CA10: variants seen among roughly 807,000 people sequenced by gnomAD.
The protein encoded by CA10 is carbonic anhydrase-related protein 10.
Under a neutral mutation model 44.2 loss-of-function variants are expected in CA10, and 14 were observed. The observed-to-expected ratio is 0.32, with a 90% CI of 0.21 to 0.50. The LOEUF (loss-of-function observed/expected upper bound fraction) is 0.50, where lower values mean the gene tolerates loss of function less well. Among genes scored for constraint, CA10 ranks in the 20% least tolerant of loss-of-function variants. The pLI is 0.99. For synonymous variants in CA10, 159 were observed against 141.6 expected, an observed-to-expected ratio of 1.12 and a Z score of -0.87; for missense variants, 350 against 409.7, an observed-to-expected ratio of 0.85 and a Z score of 1.26.
At chr17:52,046,733 GA>G (rs1159273099) in intron 2 of CA10, among the ~76,000 whole-genome samples, 1 of 151,236 alleles carries the variant, frequency 6.6e-6, no homozygotes, top group Non-Finnish European at 1.5e-5. Flanking sequence ...ACATTATATA[GA>G]AAAAAAACTT....
intron 2 of CA10, among the ~76,000 whole-genome samples, chr17:51,943,262 G>A (rs907330751): frequency 1.2e-4 from 18 of 152,110 alleles, no homozygotes; most frequent in Non-Finnish European, 2.2e-4. Context: ...CTGGTTAGGT[G>A]CTAGAGGATT....
chr17:51,783,281 T>C (rs1157754741), intron 3 of CA10, among the ~76,000 whole-genome samples: 1 of 152,218 alleles, frequency 6.6e-6, no homozygotes, highest in Non-Finnish European at 1.5e-5. Context: ...CATGTTGCTT[T>C]TACTCATTGC....
chr17:52,118,996 A>G (rs1029968759), intron 1 of CA10, among the ~76,000 whole-genome samples: 1 of 152,210 alleles, frequency 6.6e-6, no homozygotes, highest in Non-Finnish European at 1.5e-5. Flanking sequence ...ATCAAATAGA[A>G]CAAGAGTTAA....
At chr17:52,148,173 G>A (rs1989628715) in intron 1 of CA10, among the ~76,000 whole-genome samples, 1 of 152,220 alleles carries the variant, frequency 6.6e-6, no homozygotes, top group East Asian at 1.9e-4. Flanking sequence ...AGACTAAAAA[G>A]TGGGGTAGGC....
intron 4 of CA10, among the ~76,000 whole-genome samples, chr17:51,735,996 G>A (rs1438873049): frequency 6.6e-6 from 1 of 152,124 alleles, no homozygotes; most frequent in Non-Finnish European, 1.5e-5. Flanking sequence ...GACCATTTTG[G>A]TCATGGTTAC....
intron 2 of CA10, among the ~76,000 whole-genome samples, chr17:52,040,677 C>G (rs1482753168): frequency 6.6e-6 from 1 of 151,984 alleles, no homozygotes; most frequent in Non-Finnish European, 1.5e-5. Flanking sequence ...GATCAAAGCA[C>G]AGAGAGGGAG....
intron 4 of CA10, among the ~76,000 whole-genome samples, chr17:51,701,914 G>T (rs992811748): frequency 3.9e-5 from 6 of 152,130 alleles, no homozygotes; most frequent in African/African-American, 1.4e-4. Flanking sequence ...GTCACCATGT[G>T]TACCTCCGGC....
chr17:51,876,473 C>A, intron 3 of CA10, among the ~76,000 whole-genome samples: 1 of 151,486 alleles, frequency 6.6e-6, no homozygotes, highest in Non-Finnish European at 1.5e-5. Flanking sequence ...TGAGTCAGTG[C>A]ACCTGGCAGT....
At chr17:51,787,543 T>G (rs1287101579) in intron 3 of CA10, among the ~76,000 whole-genome samples, 1 of 151,980 alleles carries the variant, frequency 6.6e-6, no homozygotes, top group Non-Finnish European at 1.5e-5. Flanking sequence ...CAGGCTTGAG[T>G]GCAGTGGTAC....
rs376875537 is a variant in CA10 at position 52,072,314 on chromosome 17, C to G, written c.136+5G>C. On this transcript the variant is annotated splice_donor_5th_base_variant and intron_variant, in intron 2 of 8. Coordinates refer to ENST00000451037, the MANE Select transcript of CA10 (RefSeq NM_020178.5). ...AAATAAATTAAAGAATTAATGTGTA[C>G]TTACCTGGAACAAAGCTTCCCTGGA... The G allele has an allele frequency of 1.3e-4, 202 of 1,589,312 alleles. No homozygotes were observed. The African/African-American group carries it at 2.3e-3, about 18-fold the overall frequency.
intron 2 of CA10, among the ~76,000 whole-genome samples, chr17:52,057,079 T>C (rs1405439138): frequency 6.6e-6 from 1 of 152,144 alleles, no homozygotes; most frequent in Non-Finnish European, 1.5e-5. Context: ...TGTTGGAGGC[T>C]AACTGAATAA....
chr17:51,774,329 C>T (rs1308210016), intron 3 of CA10, among the ~76,000 whole-genome samples: 1 of 152,110 alleles, frequency 6.6e-6, no homozygotes, highest in African/African-American at 2.4e-5. Flanking sequence ...TTAGCTTCTC[C>T]CCCTGCCCGC....
In CA10 at chr17:52,018,213, C is replaced by A. The variant is rs541446056; in HGVS notation, c.136+54106G>T. Among the ~76,000 whole-genome samples, 4 of 152,238 alleles carry A rather than the reference C, an allele frequency of 2.6e-5. No homozygotes were observed. The South Asian group carries it at 8.3e-4, about 32-fold the overall frequency. ...TGGAGCCCCCATACAAAGTCCCCAC[C>A]AGCACACTGCCTAGTGGAGCTGTAG... On this transcript the variant is annotated intron_variant, in intron 2 of 8. Transcript: ENST00000451037.
At chr17:52,047,479 A>C in intron 2 of CA10, among the ~76,000 whole-genome samples, 1 of 152,044 alleles carries the variant, frequency 6.6e-6, no homozygotes, top group African/African-American at 2.4e-5. Flanking sequence ...AAAGACTATA[A>C]GGTTTTCACA....
At chr17:51,789,163 G>A (rs1381953721) in intron 3 of CA10, among the ~76,000 whole-genome samples, 1 of 152,044 alleles carries the variant, frequency 6.6e-6, no homozygotes, top group Non-Finnish European at 1.5e-5. Context: ...CTACAAGCGT[G>A]CGCCACCACA....
intron 2 of CA10, among the ~76,000 whole-genome samples, chr17:51,982,134 A>G (rs1475577660): frequency 2.0e-5 from 3 of 152,028 alleles, no homozygotes; most frequent in Non-Finnish European, 4.4e-5. Flanking sequence ...TCAAACATTT[A>G]GAACTATAGG....
chr17:52,081,061 C>G (rs72836031), intron 1 of CA10, among the ~76,000 whole-genome samples: 4,642 of 152,140 alleles, frequency 0.031, 94 homozygotes, highest in Non-Finnish European at 0.044. Flanking sequence ...CAGCAAAACC[C>G]ACAATCACTT....
rs74516567 is a variant in CA10 at position 51,649,329 on chromosome 17, A to T, written c.562-75T>A. 269 of 1,074,268 alleles carry T rather than the reference A, an allele frequency of 2.5e-4. 3 individuals carry two copies. In the African/African-American group the frequency reaches 3.8e-3, roughly 15 times the overall value. 66.5% of individuals were successfully genotyped at this position (1,074,268 alleles called of 1,614,324 possible). ...AAACATCTCCCCGTGACATTCACTT[A>T]TTCATTCATAGTTACTGAGTATCTA... On this transcript the variant is annotated intron_variant, in intron 5 of 8. Coordinates refer to ENST00000451037, the MANE Select transcript of CA10 (RefSeq NM_020178.5).
intron 1 of CA10, among the ~76,000 whole-genome samples, chr17:52,155,545 G>A (rs147953817): frequency 6.6e-6 from 1 of 152,226 alleles, no homozygotes; most frequent in East Asian, 1.9e-4. Flanking sequence ...TCACATACAT[G>A]GGCATTACTG....
Sources: gnomAD v4.1 joint callset for allele counts (sites outside exome capture counted in the v4.1 genomes callset) on GRCh38, gnomAD v4.1.1 for gene constraint, MANE v1.5 for transcripts, NCBI Gene and HGNC (gene_info 2026-07-23, HGNC 2026-07-21) for gene names.